Variants in HGF observed in about 807,000 individuals in gnomAD.
HGF encodes the protein hepatocyte growth factor.
HGF carries 39 observed loss-of-function variants against 111.6 expected under a neutral mutation model. The ratio of observed to expected loss-of-function variants is 0.35; its 90% CI spans 0.27 to 0.46. HGF has a LOEUF of 0.46. HGF is among the 20% of genes least tolerant of loss of function. The probability of loss-of-function intolerance (pLI) is 1.00; values close to 1 mark genes in which losing one functional copy is unlikely to be tolerated. For missense variants in HGF, 735 were observed against 910.5 expected, an observed-to-expected ratio of 0.81 and a Z score of 2.48; for synonymous variants, 285 against 294.8, an observed-to-expected ratio of 0.97 and a Z score of 0.34.
intron 7 of HGF, among the ~76,000 whole-genome samples, chr7:81,732,787 T>C (rs971565552): frequency 3.3e-5 from 5 of 152,174 alleles, no homozygotes; most frequent in Non-Finnish European, 7.4e-5. Flanking sequence ...AGGCTAAACA[T>C]ATTCCTAATT....
chr7:81,741,901 G>A (rs2116005584), intron 7 of HGF, among the ~76,000 whole-genome samples: 1 of 122,492 alleles, frequency 8.2e-6, no homozygotes, highest in African/African-American at 3.2e-5. Context: ...TTGTGCCATT[G>A]CACTCCAGCT....
chr7:81,742,290 G>A (rs1288424197), intron 7 of HGF, among the ~76,000 whole-genome samples: 3 of 152,048 alleles, frequency 2.0e-5, no homozygotes, highest in South Asian at 2.1e-4. Flanking sequence ...GATTTACCTC[G>A]GCAGTACCAT....
rs773701144 is a variant in HGF at position 81,720,737 on chromosome 7, T to C, written c.1271+8A>G. 1.3e-6 allele frequency: 2 copies of C among 1,534,082 alleles called. No homozygotes were observed. Among genetic ancestry groups the C allele is most frequent in the Non-Finnish European group, 1.8e-6 (2 of 1,107,224 alleles). ...ATTCTATATATTGAAAGGAAGAAAT[T>C]TACACACCGATGTAAGTCTTCCATG... is the stretch of plus-strand genomic sequence containing the variant. On this transcript the variant is annotated splice_region_variant and intron_variant, in intron 10 of 17. Transcript: ENST00000222390.
intron 15 of HGF, 78 bp from the exon 16 acceptor site, chr7:81,705,831 GT>G: frequency 1.3e-6 from 1 of 758,838 alleles, no homozygotes. Context: ...TAGTGTTCAT[GT>G]TTAATATGGC....
chr7:81,700,660 A>G lies in HGF; in HGVS notation c.*1921T>C, dbSNP rs1336465104. The G allele has an allele frequency of 2.6e-5, 4 of 151,024 alleles. No individual in the cohort carries two copies. The highest frequency in any genetic ancestry group is 9.8e-5 in the African/African-American group (4 of 40,880). 9.4% of individuals were successfully genotyped at this position (151,024 alleles called of 1,614,324 possible). The stretch of plus-strand genomic sequence containing the variant: ...TTATATTTTGGCAATATGCTCTTGA[A>G]ATTTCTAGGAGTTCTTACTAAAATG... On this transcript the variant is annotated 3_prime_UTR_variant, in exon 18 of 18. Coordinates refer to ENST00000222390, the MANE Select transcript of HGF (RefSeq NM_000601.6).
chr7:81,711,053 T>C (rs899355097), intron 12 of HGF, among the ~76,000 whole-genome samples: 2 of 152,232 alleles, frequency 1.3e-5, no homozygotes, highest in Non-Finnish European at 2.9e-5. Flanking sequence ...CCCACTTGAC[T>C]GTAGGGCATG....
rs945559119 is a variant in HGF at position 81,751,944 on chromosome 7, A to G, written c.625+176T>C. ...TCTGTTATTTTGCATTAATCTGGTG[A>G]TAATCCAACAGTTTTAAAAACATTG... On this transcript the variant is annotated intron_variant, in intron 5 of 17. Transcript: ENST00000222390. 7 of 1,422,024 alleles carry G rather than the reference A, an allele frequency of 4.9e-6. No individual in the cohort carries two copies. The African/African-American group carries it at 8.6e-5, about 18-fold the overall frequency. 88.1% of individuals were successfully genotyped at this position (1,422,024 alleles called of 1,614,324 possible).
chr7:81,710,319 C>T, intron 12 of HGF, 76 bp from the exon 13 acceptor site: 1 of 932,530 alleles, frequency 1.1e-6, no homozygotes, highest in Non-Finnish European at 1.8e-6. Flanking sequence ...TTCTTAAATG[C>T]AATGATAATT....
In HGF at chr7:81,743,424, C is replaced by G. The variant is rs775564237; in HGVS notation, c.794G>C (p.Gly265Ala). The G allele has an allele frequency of 7.4e-6, 12 of 1,613,830 alleles. No individual in the cohort carries two copies. Among genetic ancestry groups the G allele is most frequent in the Non-Finnish European group, 1.0e-5 (12 of 1,179,766 alleles). The change falls in exon 7 of 18, where the codon GGC becomes GCC. Residue 265 changes from glycine (G) to alanine (A), a missense_variant. Gly to Ala is a moderately conservative substitution (Grantham distance 60). Coordinates refer to ENST00000222390, the MANE Select transcript of HGF (RefSeq NM_000601.6). ...AGTATAGCACCATGGCCTCGGCTGG[C>G]CATCGGGATTGCGGCAATAATTATC... Reference protein sequence around the residue: ...FDDNYCRNPDGQPRPWCYTLD... With the variant: ...FDDNYCRNPDAQPRPWCYTLD...
chr7:81,748,931 A>G (rs970084281), intron 5 of HGF, among the ~76,000 whole-genome samples: 3 of 152,226 alleles, frequency 2.0e-5, no homozygotes, highest in Admixed American at 6.5e-5. Context: ...TGATATGAGT[A>G]TACAGACTAA....
chr7:81,702,952 T>C (rs1214730063), intron 17 of HGF, among the ~76,000 whole-genome samples, 195 bp from the exon 18 acceptor site: 2 of 151,756 alleles, frequency 1.3e-5, no homozygotes, highest in East Asian at 1.9e-4. Context: ...CTGAGATAAG[T>C]ACAAAGTTTA....
At chr7:81,738,987 T>A (rs949715102) in intron 7 of HGF, among the ~76,000 whole-genome samples, 1 of 152,166 alleles carries the variant, frequency 6.6e-6, no homozygotes, top group African/African-American at 2.4e-5. Flanking sequence ...CTTGTGACTT[T>A]CCTTGACTTT....
rs570643872 is a variant in HGF, at chr7:81,754,169, C to A, written c.483-1907G>T. Reference sequence around the variant, plus strand: ...CCATATCTATCACCTAAATAGTATACAACCTTAGTCCTTAGACAATTTATT... The same window carrying A: ...CCATATCTATCACCTAAATAGTATAAAACCTTAGTCCTTAGACAATTTATT... On this transcript the variant is annotated intron_variant, in intron 4 of 17. Transcript: ENST00000222390. Among the ~76,000 whole-genome samples, 3 of 152,052 alleles carry A rather than the reference C, an allele frequency of 2.0e-5. No homozygotes were observed. The East Asian group carries it at 5.8e-4, about 29-fold the overall frequency.
intron 7 of HGF, among the ~76,000 whole-genome samples, chr7:81,741,096 A>G (rs1043124387): frequency 6.6e-6 from 1 of 152,226 alleles, no homozygotes; most frequent in East Asian, 1.9e-4. Flanking sequence ...TATGGTTTCC[A>G]GAATGTCAAT....
At position 81,743,421 on chromosome 7, in the gene HGF, T is replaced by A. The variant is rs1788089478; in HGVS notation, c.797A>T (p.Gln266Leu). 1 of 1,613,912 alleles carries A rather than the reference T, an allele frequency of 6.2e-7. No individual in the cohort carries two copies. The highest frequency in any genetic ancestry group is 2.2e-5 in the East Asian group (1 of 44,856). ...AAGAGTATAGCACCATGGCCTCGGCTGGCCATCGGGATTGCGGCAATAATT... is the reference window on the plus strand; with the variant it reads ...AAGAGTATAGCACCATGGCCTCGGCAGGCCATCGGGATTGCGGCAATAATT... ...DDNYCRNPDG[Q>L]PRPWCYTLDP... Residue 266 changes from glutamine to leucine, a missense_variant, in exon 7 of 18, where the codon CAG becomes CTG. Physicochemically the swap from Gln to Leu is moderately radical, Grantham distance 113 (BLOSUM62 -2). This residue lies in a region of HGF where 553 missense variants were observed against 685.6 expected (regional missense o/e 0.81). Transcript: ENST00000222390.
intron 2 of HGF, among the ~76,000 whole-genome samples, 189 bp downstream of exon 2, chr7:81,762,518 G>C (rs528585531): frequency 1.3e-5 from 2 of 152,108 alleles, no homozygotes; most frequent in Non-Finnish European, 2.9e-5. Flanking sequence ...CAGTTTTTGC[G>C]CTCTCCCTTA....
At chr7:81,761,293 G>C (rs1324812012) in intron 2 of HGF, among the ~76,000 whole-genome samples, 1 of 152,116 alleles carries the variant, frequency 6.6e-6, no homozygotes, top group Admixed American at 6.6e-5. Flanking sequence ...CACTCCTCTT[G>C]CCAGGAACTA....
intron 7 of HGF, among the ~76,000 whole-genome samples, chr7:81,740,016 C>T: frequency 6.6e-6 from 1 of 152,202 alleles, no homozygotes; most frequent in East Asian, 1.9e-4. Context: ...TACCATACTG[C>T]TCCAGCCATC....
intron 1 of HGF, among the ~76,000 whole-genome samples, chr7:81,764,770 G>C (rs986684910): frequency 1.3e-5 from 2 of 151,762 alleles, no homozygotes; most frequent in Admixed American, 1.3e-4. Flanking sequence ...AGCAAAGAAG[G>C]CATAATTCAT....
Sources: allele counts gnomAD v4.1 joint callset (sites outside exome capture counted in the v4.1 genomes callset), GRCh38; gene constraint gnomAD v4.1.1; regional missense constraint gnomAD v4.1.1; transcripts MANE v1.5; gene names NCBI Gene and HGNC (gene_info 2026-07-23, HGNC 2026-07-21).